Variants in DOK7 observed in about 807,000 individuals in gnomAD.
DOK7 encodes the protein protein Dok-7.
Under a neutral mutation model 30.7 loss-of-function variants are expected in DOK7, and 32 were observed. That is an observed-to-expected ratio of 1.04 (90% CI 0.79 to 1.40). The LOEUF is 1.40. DOK7 is among the 40% of genes most tolerant of loss of function. DOK7 has a pLI of 0.00. For missense variants in DOK7, 1,007 were observed against 699.2 expected (o/e 1.44, Z -4.97); for synonymous variants, 447 against 324.1 (o/e 1.38, Z -4.07).
intron 4 of DOK7, among the ~76,000 whole-genome samples, chr4:3,483,608 G>A (rs1727571451): frequency 6.6e-6 from 1 of 152,208 alleles, no homozygotes; most frequent in Non-Finnish European, 1.5e-5. Context: ...ACGCTCCGCA[G>A]ACGCCGCATG....
chr4:3,500,384 G>C, exon 7 of DOK7: 17 of 1,535,942 alleles, frequency 1.1e-5, no homozygotes, highest in Non-Finnish European at 1.5e-5. Flanking sequence ...AGCTCCAGGA[G>C]GCCAGCGAGG....
chr4:3,493,493 C>G lies in DOK7; in HGVS notation c.1507C>G (p.Pro503Ala), dbSNP rs184556570. Residue 503 changes from proline (P) to alanine (A), a missense_variant, in exon 7 of 7, where the codon CCT becomes GCT. By Grantham distance (27) the Pro-to-Ala change is conservative. Coordinates refer to ENST00000340083, the MANE Select transcript of DOK7 (RefSeq NM_173660.5). ...PVCGGLKVNP[P>A]P ...CTGTGGAGGACTCAAGGTAAACCCC[C>G]CTCCTTGAGAGCCGCAGATCCCGCC... 1.9e-6 allele frequency: 3 copies of G among 1,611,074 alleles called. No homozygotes were observed. Among genetic ancestry groups the G allele is most frequent in the Non-Finnish European group, 8.5e-7 (1 of 1,179,360 alleles).
At chr4:3,481,241 T>C (rs1001209281) in intron 4 of DOK7, among the ~76,000 whole-genome samples, 36 of 151,942 alleles carry the variant, frequency 2.4e-4, no homozygotes, top group Non-Finnish European at 4.1e-4. Context: ...GTGTTTTATA[T>C]GCTAATGTTG....
At chr4:3,500,105 G>C (rs891042663) in intron 6 of DOK7, 12 of 1,008,268 alleles carry the variant, frequency 1.2e-5, no homozygotes, top group Non-Finnish European at 1.7e-5. Context: ...GGACGGTCAG[G>C]AACATGGAGC....
intron 3 of DOK7, among the ~76,000 whole-genome samples, chr4:3,475,008 T>C (rs1161759951): frequency 6.6e-6 from 1 of 152,234 alleles, no homozygotes; most frequent in Admixed American, 6.5e-5. Flanking sequence ...TGGCCCTTGA[T>C]GGCTGAGTTC....
intron 2 of DOK7, among the ~76,000 whole-genome samples, chr4:3,467,079 C>T (rs568871043): frequency 5.9e-5 from 9 of 152,262 alleles, no homozygotes; most frequent in South Asian, 2.1e-4. Context: ...TCCCCTCAGG[C>T]GGCTACCACC....
At chr4:3,484,478 G>T (rs904618110) in intron 4 of DOK7, 1 of 984,820 alleles carries the variant, frequency 1.0e-6, no homozygotes, top group South Asian at 4.7e-5. Flanking sequence ...GCCCCGGAGC[G>T]GGCGGGATTC....
At position 3,492,874 on chromosome 4, in the gene DOK7, G is replaced by C. The variant is rs554063441; in HGVS notation, c.888G>C (p.Gln296His). Residue 296 changes from glutamine to histidine, a missense_variant, in exon 7 of 7, where the codon CAG becomes CAC. Coordinates refer to ENST00000340083, the MANE Select transcript of DOK7 (RefSeq NM_173660.5). ...EQSSSSASTS[Q>H]EGPRPAAAQA... ...CCTCGTCGTCAGCCAGCACGTCACA[G>C]GAGGGGCCTAGACCAGCAGCTGCCC... 2 of 1,604,590 alleles carry C rather than the reference G, an allele frequency of 1.2e-6. No individual in the cohort carries two copies. Among genetic ancestry groups the C allele is most frequent in the African/African-American group, 2.7e-5 (2 of 74,906 alleles).
chr4:3,474,853 G>A (rs576860673), intron 3 of DOK7, among the ~76,000 whole-genome samples: 6 of 152,104 alleles, frequency 3.9e-5, no homozygotes, highest in Middle Eastern at 3.4e-3. Context: ...TGGAGGTTGC[G>A]GTGACCTGAG....
Position 3,494,367 on chromosome 4 carries a change from T to G in DOK7, c.*866T>G, listed in dbSNP as rs1304828940. On this transcript the variant is annotated 3_prime_UTR_variant, in exon 7 of 7. Transcript: ENST00000340083. The stretch of plus-strand genomic sequence containing the variant: ...GCTTCCTCTTGCACAGCCTGGAGCC[T>G]GCCCTGACCACAGCCCAGCAGCTCC... 1 of 985,602 alleles carries G rather than the reference T, an allele frequency of 1.0e-6. No individual in the cohort carries two copies. Among genetic ancestry groups the G allele is most frequent in the South Asian group, 4.7e-5 (1 of 21,292 alleles). 61.1% of individuals were successfully genotyped at this position (985,602 alleles called of 1,614,324 possible).
chr4:3,478,655 A>G (rs1727265883), intron 4 of DOK7, among the ~76,000 whole-genome samples: 1 of 96,302 alleles, frequency 1.0e-5, no homozygotes, highest in Admixed American at 1.1e-4. Context: ...CCCCGGTGGT[A>G]CCCTGGCCTG....
chr4:3,471,001 G>A (rs376983214), intron 2 of DOK7, among the ~76,000 whole-genome samples: 1 of 152,260 alleles, frequency 6.6e-6, no homozygotes, highest in African/African-American at 2.4e-5. Context: ...TGACTTCTGG[G>A]TGATCAGCCC....
rs1282803133 is a variant in DOK7, at chr4:3,473,497, G to A, written c.192G>A (p.Gly64=). The part of the protein sequence containing the change: ...RSSLTLEDIC[G]LEPGLPYEGL... ...GCCTGACGCTAGAGGACATCTGCGG[G>A]CTGGAGCCCGGCCTGCCCTACGAGG... Residue 64 remains glycine, a synonymous_variant, in exon 3 of 7, where the codon GGG becomes GGA. Coordinates refer to ENST00000340083, the MANE Select transcript of DOK7 (RefSeq NM_173660.5). The A allele has an allele frequency of 6.2e-7, 1 of 1,611,158 alleles. No homozygotes were observed. The highest frequency in any genetic ancestry group is 1.1e-5 in the South Asian group (1 of 90,992).
intron 2 of DOK7, among the ~76,000 whole-genome samples, chr4:3,468,326 G>A (rs1435580803): frequency 7.3e-6 from 1 of 136,146 alleles, no homozygotes; most frequent in Non-Finnish European, 1.6e-5. Context: ...ACCTGTGTGT[G>A]CGAGTGTGTG....
intron 4 of DOK7, among the ~76,000 whole-genome samples, chr4:3,476,813 G>A (rs1279606393): frequency 6.6e-6 from 1 of 152,244 alleles, no homozygotes; most frequent in Non-Finnish European, 1.5e-5. Context: ...GGGGCCTGAG[G>A]CCACAGAGCC....
rs1175319502 is a variant in DOK7 at position 3,485,386 on chromosome 4, G to T, written c.533-153G>T. The T allele has an allele frequency of 6.7e-6, 7 of 1,045,230 alleles. No individual in the cohort carries two copies. The African/African-American group carries it at 1.2e-4, about 17-fold the overall frequency. 64.7% of individuals were successfully genotyped at this position (1,045,230 alleles called of 1,614,324 possible). A position where few individuals can be genotyped will look rare whatever the true frequency, so the allele number is the denominator to read the frequency against. ...CACCCGGATTCACGGGGCCAGGCGG[G>T]GTGTCGGCTCTGGGCATCTGACTTC... is the stretch of plus-strand genomic sequence containing the variant. On this transcript the variant is annotated intron_variant, in intron 4 of 6. Coordinates refer to ENST00000340083, the MANE Select transcript of DOK7 (RefSeq NM_173660.5).
intron 3 of DOK7, 133 bp from the exon 4 acceptor site, chr4:3,476,209 T>A: frequency 2.9e-6 from 1 of 347,822 alleles, no homozygotes; most frequent in Non-Finnish European, 4.8e-6. Context: ...CACCCGCCCA[T>A]GATGCCCTCT....
chr4:3,488,964 C>T (rs1398050004), intron 5 of DOK7, among the ~76,000 whole-genome samples: 2 of 152,182 alleles, frequency 1.3e-5, no homozygotes, highest in African/African-American at 4.8e-5. Flanking sequence ...GGGACCAGGG[C>T]AGTGATGCTG....
rs753827494 is a variant in DOK7, at chr4:3,493,492, C to A, written c.1506C>A (p.Pro502=). The change falls in exon 7 of 7, where the codon CCC becomes CCA. Residue 502 remains proline, a synonymous_variant. Coordinates refer to ENST00000340083, the MANE Select transcript of DOK7 (RefSeq NM_173660.5). ...TCTGTGGAGGACTCAAGGTAAACCC[C>A]CCTCCTTGAGAGCCGCAGATCCCGC... is the stretch of plus-strand genomic sequence containing the variant. The part of the protein sequence containing the change: ...CPVCGGLKVN[P]PP 2 of 1,611,244 alleles carry A rather than the reference C, an allele frequency of 1.2e-6. No homozygotes were observed. The highest frequency in any genetic ancestry group is 3.3e-5 in the Admixed American group (2 of 59,924).
Sources: gnomAD v4.1 joint callset for allele counts (sites outside exome capture counted in the v4.1 genomes callset) on GRCh38, gnomAD v4.1.1 for gene constraint, MANE v1.5 for transcripts, NCBI Gene and HGNC (gene_info 2026-07-23, HGNC 2026-07-21) for gene names.